The following PDGFC variants were observed in gnomAD, a reference collection of about 807,000 sequenced individuals.
PDGFC encodes the protein platelet derived growth factor C, also known as platelet-derived growth factor C.
A neutral mutation model predicts 35.5 loss-of-function variants in PDGFC; 12 were observed. The ratio of observed to expected loss-of-function variants is 0.34; its 90% confidence interval spans 0.22 to 0.55. PDGFC has a LOEUF of 0.55. Ranked by LOEUF, PDGFC falls within the 20% of genes least tolerant of loss-of-function variation. The pLI is 0.91. For missense variants in PDGFC, 322 were observed against 412.4 expected (o/e 0.78, Z 1.90); for synonymous variants, 159 against 148.8 (o/e 1.07, Z -0.50).
intron 1 of PDGFC, among the ~76,000 whole-genome samples, chr4:156,879,715 T>A (rs540471465): frequency 1.3e-5 from 2 of 152,340 alleles, no homozygotes; most frequent in South Asian, 4.1e-4. Flanking sequence ...TTTCAAATGA[T>A]AACATACTAT....
chr4:156,835,086 G>A (rs374892267), intron 2 of PDGFC, among the ~76,000 whole-genome samples: 10 of 152,070 alleles, frequency 6.6e-5, no homozygotes, highest in East Asian at 3.9e-4. Flanking sequence ...GGATAGGGTC[G>A]GAGAGGGCTG....
chr4:156,971,426 G>A lies in PDGFC; in HGVS notation c.-523C>T, dbSNP rs1052462423. ...CTCCCCCGCCCCACCCCCCACCCCC[G>A]AAGGGGGAGGGGGAAGAAACAAGGC... is the stretch of plus-strand genomic sequence containing the variant. On this transcript the variant is annotated 5_prime_UTR_variant, in exon 1 of 6. Coordinates refer to ENST00000502773, the MANE Select transcript of PDGFC (RefSeq NM_016205.3). 2.7e-6 allele frequency: 1 copy of A among 367,788 alleles called. No individual in the cohort carries two copies. Among genetic ancestry groups the A allele is most frequent in the Non-Finnish European group, 4.8e-6 (1 of 207,282 alleles). The allele number at this position is 367,788 out of a possible 1,614,324, so 22.8% of individuals were successfully genotyped here.
At chr4:156,956,852 C>G (rs1732224507) in intron 1 of PDGFC, among the ~76,000 whole-genome samples, 1 of 151,938 alleles carries the variant, frequency 6.6e-6, no homozygotes, top group Non-Finnish European at 1.5e-5. Flanking sequence ...GTGCTAAGAG[C>G]AGCCCAGATT....
intron 1 of PDGFC, among the ~76,000 whole-genome samples, chr4:156,858,663 A>G (rs867597255): frequency 9.2e-5 from 14 of 152,214 alleles, no homozygotes; most frequent in Middle Eastern, 3.4e-3. Context: ...TATTGAATTA[A>G]AATTAGAAAG....
At chr4:156,900,461 G>A (rs1730740052) in intron 1 of PDGFC, among the ~76,000 whole-genome samples, 1 of 152,182 alleles carries the variant, frequency 6.6e-6, no homozygotes, top group Admixed American at 6.5e-5. Context: ...CATAATGGGT[G>A]GAGTCAGAGA....
intron 1 of PDGFC, among the ~76,000 whole-genome samples, chr4:156,890,997 T>G (rs1031866984): frequency 6.6e-6 from 1 of 152,096 alleles, no homozygotes; most frequent in Non-Finnish European, 1.5e-5. Context: ...GCAATTTTGT[T>G]GTTGTGTGAA....
intron 1 of PDGFC, among the ~76,000 whole-genome samples, chr4:156,958,365 A>G (rs577242809): frequency 3.2e-4 from 49 of 151,986 alleles, no homozygotes; most frequent in African/African-American, 1.1e-3. Flanking sequence ...TTACACAGAA[A>G]CTATAATATC....
chr4:156,838,441 G>T (rs1455550463), intron 2 of PDGFC, among the ~76,000 whole-genome samples: 2 of 152,184 alleles, frequency 1.3e-5, no homozygotes, highest in Non-Finnish European at 2.9e-5. Context: ...TAGAGCTTTT[G>T]CGGAAAACTT....
chr4:156,762,460 A>T lies in PDGFC; in HGVS notation c.*630T>A, dbSNP rs1024350408. The T allele has an allele frequency of 6.6e-6, 1 of 152,530 alleles. No homozygotes were observed. The highest frequency in any genetic ancestry group is 2.4e-5 in the African/African-American group (1 of 41,462). 9.4% of individuals were successfully genotyped at this position (152,530 alleles called of 1,614,324 possible). On this transcript the variant is annotated 3_prime_UTR_variant, in exon 6 of 6. Transcript: ENST00000502773. ...TCAGGTTTATCTCTTCCAAACCATGAATGTAGTTCTCTTCTTCTAAATGGC... is the reference window on the plus strand; with the variant it reads ...TCAGGTTTATCTCTTCCAAACCATGTATGTAGTTCTCTTCTTCTAAATGGC...
chr4:156,963,981 C>CAAA (rs199841240), intron 1 of PDGFC, among the ~76,000 whole-genome samples: 1 of 78,434 alleles, frequency 1.3e-5, no homozygotes, highest in African/African-American at 4.4e-5. Context: ...CGGTCTTGAC[C>CAAA]AAAAAAAAAA....
chr4:156,814,212 C>A (rs1206975664), intron 2 of PDGFC, among the ~76,000 whole-genome samples: 1 of 152,142 alleles, frequency 6.6e-6, no homozygotes, highest in Non-Finnish European at 1.5e-5. Context: ...AGAGGCAGAG[C>A]CGCTGGAGGC....
chr4:156,822,673 T>C (rs942906699), intron 2 of PDGFC, among the ~76,000 whole-genome samples: 1 of 152,192 alleles, frequency 6.6e-6, no homozygotes, highest in Non-Finnish European at 1.5e-5. Context: ...GCAGAGATTA[T>C]GTAACAAGGG....
intron 3 of PDGFC, among the ~76,000 whole-genome samples, chr4:156,804,170 AT>A (rs1731691971): frequency 6.6e-6 from 1 of 152,150 alleles, no homozygotes; most frequent in Non-Finnish European, 1.5e-5. Context: ...ATATAAAAAA[AT>A]TCACCAAAAT....
intron 1 of PDGFC, among the ~76,000 whole-genome samples, chr4:156,936,795 T>C (rs1731693696): frequency 6.6e-6 from 1 of 152,162 alleles, no homozygotes; most frequent in African/African-American, 2.4e-5. Flanking sequence ...AGGAATACTA[T>C]CGTATTGCCT....
At chr4:156,810,001 A>T (rs2110942010) in intron 3 of PDGFC, among the ~76,000 whole-genome samples, 1 of 151,958 alleles carries the variant, frequency 6.6e-6, no homozygotes, top group South Asian at 2.1e-4. Flanking sequence ...CATGGCCCTC[A>T]ACGCCACCCT....
intron 1 of PDGFC, among the ~76,000 whole-genome samples, chr4:156,857,679 A>G (rs554549258): frequency 5.9e-5 from 9 of 152,236 alleles, no homozygotes; most frequent in African/African-American, 1.9e-4. Flanking sequence ...CACTGAATAA[A>G]GGTCGAACTG....
chr4:156,944,690 C>T (rs1731896235), intron 1 of PDGFC, among the ~76,000 whole-genome samples: 1 of 152,134 alleles, frequency 6.6e-6, no homozygotes, highest in Non-Finnish European at 1.5e-5. Context: ...AATTTCCAGT[C>T]CGCCAGCAAA....
At chr4:156,913,794 C>G (rs1731096812) in intron 1 of PDGFC, among the ~76,000 whole-genome samples, 1 of 152,196 alleles carries the variant, frequency 6.6e-6, no homozygotes, top group African/African-American at 2.4e-5. Context: ...TCATGTTCCA[C>G]CTCTCTAATG....
intron 1 of PDGFC, among the ~76,000 whole-genome samples, chr4:156,866,028 C>G (rs557330016): frequency 6.6e-6 from 1 of 152,040 alleles, no homozygotes; most frequent in Non-Finnish European, 1.5e-5. Flanking sequence ...CATATGTATA[C>G]ATGTGCCATG....
Sources: gnomAD v4.1 joint callset for allele counts (sites outside exome capture counted in the v4.1 genomes callset) on GRCh38, gnomAD v4.1.1 for gene constraint, MANE v1.5 for transcripts, NCBI Gene and HGNC (gene_info 2026-07-23, HGNC 2026-07-21) for gene names.